The following KSR2 variants were observed in gnomAD, a reference collection of about 807,000 sequenced individuals.
The protein encoded by KSR2 is kinase suppressor of ras 2.
KSR2 carries 25 observed loss-of-function variants against 107.8 expected under a neutral mutation model. The observed-to-expected ratio is 0.23, with a 90% CI of 0.17 to 0.32. The LOEUF (loss-of-function observed/expected upper bound fraction) is 0.32. KSR2 is among the 10% of genes least tolerant of loss of function. The pLI, the probability that KSR2 is intolerant of heterozygous loss-of-function variation, is 1.00. For synonymous variants in KSR2, 480 were observed against 507.0 expected (o/e 0.95, Z 0.71); for missense variants, 887 against 1,268.9 (o/e 0.70, Z 4.57).
intron 4 of KSR2, among the ~76,000 whole-genome samples, chr12:117,705,021 T>A (rs1442256578): frequency 6.6e-6 from 1 of 152,136 alleles, no homozygotes; most frequent in Non-Finnish European, 1.5e-5. Flanking sequence ...AGGGACGCCT[T>A]TGTGCCAGGC....
intron 7 of KSR2, among the ~76,000 whole-genome samples, chr12:117,558,982 T>C (rs776637734): frequency 3.3e-4 from 50 of 151,180 alleles, no homozygotes; most frequent in Non-Finnish European, 5.5e-4. Context: ...GATTGATGGT[T>C]GATGTGTGGA....
chr12:117,708,071 C>CTATACAAGGA (rs1333540002), intron 4 of KSR2, among the ~76,000 whole-genome samples: 5 of 152,188 alleles, frequency 3.3e-5, no homozygotes, highest in Admixed American at 6.5e-5. Flanking sequence ...CACTGGATAT[C>CTATACAAGGA]TATACAAGGA....
At chr12:117,745,555 A>G (rs777644480) in intron 4 of KSR2, among the ~76,000 whole-genome samples, 6 of 152,202 alleles carry the variant, frequency 3.9e-5, no homozygotes, top group Non-Finnish European at 7.3e-5. Context: ...ACTCCTATTC[A>G]ACATAGTATT....
rs150375659 is a variant in KSR2, at chr12:117,891,516, T to C, written c.181-31085A>G. On this transcript the variant is annotated intron_variant, in intron 1 of 19. Transcript: ENST00000339824. ...ACTTTGGGAGGCAAAGGTGGGAGGA[T>C]TGTTTTAGCCCAGGAATTCAAGACC... is the stretch of plus-strand genomic sequence containing the variant. Among the ~76,000 whole-genome samples the C allele has an allele frequency of 1.1e-4, 17 of 152,114 alleles. No individual in the cohort carries two copies. The East Asian group carries it at 3.3e-3, about 29-fold the overall frequency.
chr12:117,909,183 C>T (rs532749101), intron 1 of KSR2, among the ~76,000 whole-genome samples: 6 of 152,304 alleles, frequency 3.9e-5, no homozygotes, highest in African/African-American at 1.4e-4. Flanking sequence ...TTTACTTTTA[C>T]CTACTTTATA....
chr12:117,766,291 C>A (rs1889223372), intron 3 of KSR2, among the ~76,000 whole-genome samples: 1 of 152,170 alleles, frequency 6.6e-6, no homozygotes, highest in Non-Finnish European at 1.5e-5. Context: ...AGAAGTCAGA[C>A]ACAAAGGGTC....
chr12:117,675,607 A>G (rs147942965), intron 4 of KSR2, among the ~76,000 whole-genome samples: 319 of 152,310 alleles, frequency 2.1e-3, no homozygotes, highest in African/African-American at 7.5e-3. Flanking sequence ...GGGAAGCCCC[A>G]AACTGATGTT....
chr12:117,700,851 C>T (rs914116107), intron 4 of KSR2, among the ~76,000 whole-genome samples: 3 of 152,158 alleles, frequency 2.0e-5, no homozygotes, highest in African/African-American at 7.2e-5. Flanking sequence ...GTCGGTGCTA[C>T]CATGCAGGGC....
chr12:117,789,458 C>T (rs1241558593), intron 3 of KSR2, among the ~76,000 whole-genome samples: 1 of 152,212 alleles, frequency 6.6e-6, no homozygotes, highest in African/African-American at 2.4e-5. Flanking sequence ...CATGTATCCA[C>T]CAGGGAAAAC....
intron 4 of KSR2, among the ~76,000 whole-genome samples, chr12:117,751,924 C>T (rs1370182536): frequency 6.6e-6 from 1 of 152,194 alleles, no homozygotes; most frequent in Non-Finnish European, 1.5e-5. Context: ...CTATTACCCA[C>T]AGACTAGTCA....
rs557694955 is a variant in KSR2, at chr12:117,792,952, C to A, written c.473-31428G>T. On this transcript the variant is annotated intron_variant, in intron 3 of 19. Transcript: ENST00000339824. ...CACCAACATGCACACACGCTCACAC[C>A]AACGTGCACACACAACATGCACACA... Among the ~76,000 whole-genome samples, 559 of 143,138 alleles carry A rather than the reference C, an allele frequency of 3.9e-3. 7 individuals are homozygous for A. Among genetic ancestry groups the A allele is most frequent in the African/African-American group, 0.014 (528 of 38,448 alleles). 93.9% of individuals were successfully genotyped at this position (143,138 alleles called of 152,430 possible). A position where few individuals can be genotyped will look rare whatever the true frequency, so the allele number is the denominator to read the frequency against.
intron 14 of KSR2, among the ~76,000 whole-genome samples, chr12:117,516,063 C>A (rs1874357204): frequency 6.6e-6 from 1 of 152,152 alleles, no homozygotes; most frequent in Non-Finnish European, 1.5e-5. Flanking sequence ...TCTTCTTGGT[C>A]CCCTTGCAGA....
At chr12:117,882,199 C>T (rs1204516994) in intron 1 of KSR2, among the ~76,000 whole-genome samples, 1 of 152,068 alleles carries the variant, frequency 6.6e-6, no homozygotes, top group Non-Finnish European at 1.5e-5. Flanking sequence ...GCAATAGGCA[C>T]CATAGTAGCA....
chr12:117,515,620 G>A (rs1874320022), intron 14 of KSR2, among the ~76,000 whole-genome samples: 1 of 152,102 alleles, frequency 6.6e-6, no homozygotes, highest in South Asian at 2.1e-4. Context: ...ATGATGAGAA[G>A]CACCTTGATG....
intron 5 of KSR2, among the ~76,000 whole-genome samples, chr12:117,640,077 C>T (rs1168396951): frequency 1.3e-5 from 2 of 150,160 alleles, no homozygotes; most frequent in South Asian, 2.1e-4. Context: ...GTGGCAGAGC[C>T]CGGCTCCTTG....
intron 5 of KSR2, among the ~76,000 whole-genome samples, chr12:117,600,847 C>T (rs1309811221): frequency 6.6e-6 from 1 of 152,084 alleles, no homozygotes; most frequent in African/African-American, 2.4e-5. Context: ...AAAAGATGTT[C>T]TCTGTACTTG....
intron 3 of KSR2, among the ~76,000 whole-genome samples, chr12:117,765,665 T>C (rs754768839): frequency 5.3e-5 from 8 of 152,140 alleles, no homozygotes; most frequent in Non-Finnish European, 7.3e-5. Flanking sequence ...ATGAAACAAG[T>C]AGATGAACAA....
chr12:117,942,493 C>CTTT (rs201100401), intron 1 of KSR2, among the ~76,000 whole-genome samples: 3 of 138,232 alleles, frequency 2.2e-5, no homozygotes, highest in African/African-American at 5.3e-5. Flanking sequence ...CTTTTTTTTT[C>CTTT]TTTTTTTTTT....
Position 117,952,664 on chromosome 12 carries a change from ACT to A in KSR2, c.180+15410_180+15411del, listed in dbSNP as rs200467672. 6.1e-3 allele frequency among the ~76,000 whole-genome samples: 925 copies of A among 150,698 alleles called. 14 individuals carry two copies. Among genetic ancestry groups the A allele is most frequent in the African/African-American group, 0.022 (894 of 41,014 alleles). On this transcript the variant is annotated intron_variant, in intron 1 of 19. Coordinates refer to ENST00000339824, the MANE Select transcript of KSR2 (RefSeq NM_173598.6). ...ACACTACAACCTAGGCAATAGCAAG[ACT>A]CTGTCTCAAAAACAACAACAACAAC...
Sources: allele counts gnomAD v4.1 joint callset (sites outside exome capture counted in the v4.1 genomes callset), GRCh38; gene constraint gnomAD v4.1.1; transcripts MANE v1.5; gene names NCBI Gene and HGNC (gene_info 2026-07-23, HGNC 2026-07-21).